Variants in PCDHA1 observed in about 807,000 individuals in gnomAD.
PCDHA1 encodes the protein protocadherin alpha-1.
A neutral mutation model predicts 61.3 loss-of-function variants in PCDHA1; 42 were observed. The observed-to-expected ratio is 0.69, with a 90% CI of 0.54 to 0.89. The LOEUF (loss-of-function observed/expected upper bound fraction) is 0.89. Ranked by LOEUF, PCDHA1 falls within the 40% of genes least tolerant of loss-of-function variation. The pLI is 0.00. For missense variants in PCDHA1, 1,256 were observed against 1,235.3 expected (o/e 1.02, Z -0.25); for synonymous variants, 610 against 553.8 (o/e 1.10, Z -1.43).
chr5:140,812,099 T>G (rs1456552720), intron 1 of PCDHA1: 4 of 152,060 alleles, frequency 2.6e-5, no homozygotes, highest in African/African-American at 9.7e-5. Flanking sequence ...TTGATTCTTC[T>G]TTAAAAGTTT....
intron 1 of PCDHA1, chr5:140,881,263 G>A: frequency 1.7e-6 from 1 of 575,868 alleles, no homozygotes; most frequent in Non-Finnish European, 2.2e-6. Flanking sequence ...TTTACTCAGT[G>A]ATGATGAAGT....
intron 1 of PCDHA1, chr5:140,860,712 G>C (rs1200202390): frequency 5.3e-5 from 8 of 152,188 alleles, no homozygotes; most frequent in African/African-American, 1.9e-4. Flanking sequence ...TGTTCTCCAT[G>C]AAAAGTTTTT....
At chr5:140,873,448 T>C (rs917341990) in intron 1 of PCDHA1, among the ~76,000 whole-genome samples, 1 of 152,206 alleles carries the variant, frequency 6.6e-6, no homozygotes, top group East Asian at 1.9e-4. Flanking sequence ...AAATAACAAA[T>C]TTGCATTTTA....
intron 3 of PCDHA1, among the ~76,000 whole-genome samples, chr5:140,985,922 G>A (rs1361292887): frequency 6.6e-6 from 1 of 151,826 alleles, no homozygotes; most frequent in African/African-American, 2.4e-5. Flanking sequence ...TGTATTTTTA[G>A]TAGAGCCGGG....
At chr5:140,823,913 C>T (rs2150130280) in intron 1 of PCDHA1, 36 of 1,613,888 alleles carry the variant, frequency 2.2e-5, no homozygotes, top group Non-Finnish European at 2.8e-5. Context: ...CTGGTGCTCA[C>T]GCTGCTGCTG....
At chr5:140,841,286 A>G in intron 1 of PCDHA1, 2 of 1,545,812 alleles carry the variant, frequency 1.3e-6, no homozygotes, top group Non-Finnish European at 1.7e-6. Context: ...TCTTTATATT[A>G]AGATAATATT....
intron 1 of PCDHA1, chr5:140,884,272 G>A (rs1554181402): frequency 6.2e-7 from 1 of 1,613,574 alleles, no homozygotes; most frequent in South Asian, 1.1e-5. Flanking sequence ...TGCTGTTGTC[G>A]CTGGTGGAGA....
intron 1 of PCDHA1, chr5:140,803,449 C>CCCCACCCTCT: frequency 1.2e-6 from 2 of 1,614,208 alleles, no homozygotes; most frequent in Non-Finnish European, 1.7e-6. Flanking sequence ...TGGTCATACT[C>CCCCACCCTCT]GCAGCAGAGG....
chr5:140,870,224 C>T, intron 1 of PCDHA1: 1 of 1,614,184 alleles, frequency 6.2e-7, no homozygotes, highest in Admixed American at 1.7e-5. Flanking sequence ...ATCAGCGTGT[C>T]TGACCGTGAC....
At chr5:140,797,180 T>C in intron 1 of PCDHA1, 1 of 1,614,098 alleles carries the variant, frequency 6.2e-7, no homozygotes, top group East Asian at 2.2e-5. Context: ...AAGCCCACGC[T>C]GGTGTGCTCC....
chr5:140,928,716 C>G (rs555492959), intron 1 of PCDHA1: 3 of 1,614,178 alleles, frequency 1.9e-6, no homozygotes, highest in Non-Finnish European at 2.5e-6. Flanking sequence ...ACTCTAGTCT[C>G]TTTAGAATTT....
intron 1 of PCDHA1, among the ~76,000 whole-genome samples, chr5:140,893,642 T>C (rs1479834135): frequency 1.3e-5 from 2 of 152,230 alleles, no homozygotes; most frequent in African/African-American, 2.4e-5. Context: ...TATAGTATTT[T>C]TGGCTGATAG....
chr5:140,805,031 A>G, intron 1 of PCDHA1: 1 of 1,582,450 alleles, frequency 6.3e-7, no homozygotes, highest in Non-Finnish European at 8.5e-7. Context: ...TGAATATAAT[A>G]GAGTCAGCCA....
intron 1 of PCDHA1, among the ~76,000 whole-genome samples, chr5:140,938,718 G>A (rs1186763511): frequency 5.3e-5 from 8 of 151,986 alleles, no homozygotes; most frequent in Non-Finnish European, 1.0e-4. Flanking sequence ...ATAGAAACGC[G>A]TTTCTACAGA....
intron 1 of PCDHA1, among the ~76,000 whole-genome samples, chr5:140,944,481 T>C (rs1441639137): frequency 1.3e-5 from 2 of 152,106 alleles, no homozygotes; most frequent in Admixed American, 6.5e-5. Flanking sequence ...GGCACTGGAC[T>C]GAGGCTTCTT....
At chr5:140,991,847 G>A (rs1375292594) in intron 3 of PCDHA1, among the ~76,000 whole-genome samples, 1 of 152,162 alleles carries the variant, frequency 6.6e-6, no homozygotes, top group African/African-American at 2.4e-5. Flanking sequence ...CGCACTTCCA[G>A]ATACCAAAAT....
intron 3 of PCDHA1, among the ~76,000 whole-genome samples, chr5:141,008,072 T>C (rs1419103459): frequency 2.0e-5 from 3 of 152,272 alleles, no homozygotes; most frequent in Admixed American, 6.5e-5. Context: ...TAAGAACTTA[T>C]TGGGGTTATT....
rs1761296958 is a variant in PCDHA1, at chr5:140,786,298, T to G, written c.8T>G (p.Phe3Cys). ...AGGTGTAGTCCTTTTGCAATGGTGT[T>G]TTCTAGGAGAGGGGGCCTGGGAGCC... Reference protein sequence around the residue: MVFSRRGGLGARD... With the variant: MVCSRRGGLGARD... Residue 3 changes from phenylalanine (F) to cysteine (C), a missense_variant, in exon 1 of 4, where the codon TTT (phenylalanine) becomes TGT (cysteine). Physicochemically the swap from Phe to Cys is radical, Grantham distance 205. Coordinates refer to ENST00000504120, the MANE Select transcript of PCDHA1 (RefSeq NM_018900.4). 14 of 1,603,852 alleles carry G rather than the reference T, an allele frequency of 8.7e-6. No individual in the cohort carries two copies. The highest frequency in any genetic ancestry group is 1.0e-5 in the Non-Finnish European group (12 of 1,175,138).
At chr5:140,924,902 A>T (rs1484044152) in intron 1 of PCDHA1, among the ~76,000 whole-genome samples, 1 of 39,026 alleles carries the variant, frequency 2.6e-5, no homozygotes, top group African/African-American at 7.6e-5. Context: ...CTCAAAAAAA[A>T]AAATAAAATA....
Sources: allele counts gnomAD v4.1 joint callset (sites outside exome capture counted in the v4.1 genomes callset), GRCh38; gene constraint gnomAD v4.1.1; transcripts MANE v1.5; gene names NCBI Gene and HGNC (gene_info 2026-07-23, HGNC 2026-07-21).